Variants in GPM6A observed in about 807,000 individuals in gnomAD.
GPM6A encodes glycoprotein M6A.
In GPM6A, 7 loss-of-function variants were observed where a neutral mutation model predicts 32.1. The ratio of observed to expected loss-of-function variants is 0.22; its 90% CI spans 0.12 to 0.41. The LOEUF (loss-of-function observed/expected upper bound fraction) is 0.41, where lower values mean the gene tolerates loss of function less well. Among genes scored for constraint, GPM6A ranks in the 10% least tolerant of loss-of-function variants. The probability of loss-of-function intolerance (pLI) is 1.00; values close to 1 mark genes in which losing one functional copy is unlikely to be tolerated. For missense variants in GPM6A, 235 were observed against 347.2 expected, an observed-to-expected ratio of 0.68 and a Z score of 2.57; for synonymous variants, 130 against 123.4, an observed-to-expected ratio of 1.05 and a Z score of -0.35.
At chr4:175,909,049 G>GGT (rs1554000503) in intron 1 of GPM6A, among the ~76,000 whole-genome samples, 9 of 81,794 alleles carry the variant, frequency 1.1e-4, no homozygotes, top group African/African-American at 3.0e-4. Context: ...GGGCGGGGGG[G>GGT]GGGCAACTAG....
At chr4:175,785,661 T>C (rs1046510147) in intron 1 of GPM6A, among the ~76,000 whole-genome samples, 2 of 152,212 alleles carry the variant, frequency 1.3e-5, no homozygotes, top group Non-Finnish European at 2.9e-5. Flanking sequence ...ACTACTCATA[T>C]GTTGTCAACA....
chr4:175,888,164 A>G (rs367966200), intron 1 of GPM6A, among the ~76,000 whole-genome samples: 3 of 152,126 alleles, frequency 2.0e-5, no homozygotes, highest in East Asian at 3.9e-4. Flanking sequence ...ATAGCTTAAA[A>G]TTAGAAAATC....
chr4:175,697,636 G>T (rs1744653991), intron 2 of GPM6A, among the ~76,000 whole-genome samples: 1 of 152,136 alleles, frequency 6.6e-6, no homozygotes, highest in Non-Finnish European at 1.5e-5. Flanking sequence ...TTCTGGGGAA[G>T]AAAATAGACA....
intron 1 of GPM6A, among the ~76,000 whole-genome samples, chr4:175,961,889 C>T (rs772263679): frequency 6.6e-6 from 1 of 152,132 alleles, no homozygotes; most frequent in Non-Finnish European, 1.5e-5. Flanking sequence ...AGTTACAGCC[C>T]AAGGGCACAG....
At chr4:175,778,301 G>C (rs995858617) in intron 1 of GPM6A, among the ~76,000 whole-genome samples, 9 of 152,030 alleles carry the variant, frequency 5.9e-5, no homozygotes, top group Non-Finnish European at 7.4e-5. Flanking sequence ...TTCTGTCACT[G>C]GCATTCATCT....
At chr4:175,778,646 A>G (rs1467150213) in intron 1 of GPM6A, among the ~76,000 whole-genome samples, 21 of 148,678 alleles carry the variant, frequency 1.4e-4, no homozygotes, top group African/African-American at 4.4e-4. Context: ...AAAAAAAAAA[A>G]AAAAGAAAAA....
chr4:175,745,303 A>C (rs1052450410), intron 1 of GPM6A, among the ~76,000 whole-genome samples: 1 of 152,200 alleles, frequency 6.6e-6, no homozygotes, highest in African/African-American at 2.4e-5. Flanking sequence ...GTAGCTTAAC[A>C]AATTTCAGTG....
chr4:175,841,528 C>T (rs559526411), intron 1 of GPM6A, among the ~76,000 whole-genome samples: 1 of 152,076 alleles, frequency 6.6e-6, no homozygotes, highest in African/African-American at 2.4e-5. Flanking sequence ...GATAGGAAGT[C>T]TATAAAAAGC....
At chr4:175,962,251 T>C (rs1740191295) in intron 1 of GPM6A, 2 of 1,358,160 alleles carry the variant, frequency 1.5e-6, no homozygotes, top group East Asian at 2.3e-5. Flanking sequence ...CTCCTATATG[T>C]CATTGAAAAC....
chr4:175,721,457 CA>C (rs1746129491), intron 1 of GPM6A, among the ~76,000 whole-genome samples: 1 of 150,490 alleles, frequency 6.6e-6, no homozygotes. Flanking sequence ...GTCTGGGTGA[CA>C]GAGCGAGACT....
At chr4:175,899,510 G>A (rs1737887694) in intron 1 of GPM6A, among the ~76,000 whole-genome samples, 1 of 152,060 alleles carries the variant, frequency 6.6e-6, no homozygotes, top group South Asian at 2.1e-4. Context: ...CATGATACTG[G>A]CATAAAAACA....
chr4:175,734,662 A>G (rs1428261936), intron 1 of GPM6A, among the ~76,000 whole-genome samples: 2 of 151,922 alleles, frequency 1.3e-5, no homozygotes, highest in Non-Finnish European at 2.9e-5. Context: ...TCATGAGGTC[A>G]GGAGATTAAG....
At chr4:175,703,700 G>C (rs1259536652) in intron 1 of GPM6A, among the ~76,000 whole-genome samples, 2 of 152,204 alleles carry the variant, frequency 1.3e-5, no homozygotes, top group African/African-American at 4.8e-5. Flanking sequence ...AACTAGAAAT[G>C]CTTAAGTATA....
At chr4:175,858,433 G>A (rs1268100715) in intron 1 of GPM6A, among the ~76,000 whole-genome samples, 3 of 151,980 alleles carry the variant, frequency 2.0e-5, no homozygotes, top group Admixed American at 1.3e-4. Context: ...TCGGGAGGCT[G>A]AGGCAGGATA....
At chr4:175,800,435 C>G (rs1734428904) in intron 1 of GPM6A, among the ~76,000 whole-genome samples, 1 of 152,166 alleles carries the variant, frequency 6.6e-6, no homozygotes, top group South Asian at 2.1e-4. Context: ...CCTCCAACCT[C>G]TAGGCCAAAT....
intron 1 of GPM6A, among the ~76,000 whole-genome samples, chr4:175,825,750 G>A (rs1735413485): frequency 6.6e-6 from 1 of 152,176 alleles, no homozygotes; most frequent in Admixed American, 6.5e-5. Flanking sequence ...ATGAGCTTGA[G>A]CAATCAGCAG....
chr4:175,776,124 T>G (rs887333112), intron 1 of GPM6A, among the ~76,000 whole-genome samples: 2 of 152,066 alleles, frequency 1.3e-5, no homozygotes, highest in Non-Finnish European at 2.9e-5. Flanking sequence ...ATAAAAGAGA[T>G]AACACATCGA....
At chr4:175,717,580 C>T (rs112440528) in intron 1 of GPM6A, among the ~76,000 whole-genome samples, 1 of 152,072 alleles carries the variant, frequency 6.6e-6, no homozygotes, top group East Asian at 1.9e-4. Context: ...TAGACATAGA[C>T]ATGAGTAATA....
rs554260155 is a variant in GPM6A at position 175,754,766 on chromosome 4, A to T, written c.38-52999T>A. Among the ~76,000 whole-genome samples, 6 of 151,624 alleles carry T rather than the reference A, an allele frequency of 4.0e-5. No individual in the cohort carries two copies. In the South Asian group the frequency reaches 1.3e-3, roughly 32 times the overall value. ...CAGACAAGGCTAGTGTAGAGCTGTA[A>T]ATTATTTATCTAATTAAAATAGAGA... On this transcript the variant is annotated intron_variant, in intron 1 of 6. Coordinates refer to ENST00000393658, the MANE Select transcript of GPM6A (RefSeq NM_201591.3).
Sources: allele counts gnomAD v4.1 joint callset (sites outside exome capture counted in the v4.1 genomes callset), GRCh38; gene constraint gnomAD v4.1.1; transcripts MANE v1.5; gene names NCBI Gene and HGNC (gene_info 2026-07-23, HGNC 2026-07-21).